Variants in MOSMO observed in about 807,000 individuals in gnomAD.
The protein encoded by MOSMO is modulator of smoothened, also known as modulator of smoothened protein.
A neutral mutation model predicts 18.4 loss-of-function variants in MOSMO; 5 were observed. The observed-to-expected ratio is 0.27, with a 90% CI of 0.14 to 0.57. MOSMO has a LOEUF of 0.57. MOSMO is among the 20% of genes least tolerant of loss of function. The probability of loss-of-function intolerance (pLI) is 0.92; values close to 1 mark genes in which losing one functional copy is unlikely to be tolerated. For missense variants in MOSMO, 138 were observed against 211.8 expected, an observed-to-expected ratio of 0.65 and a Z score of 2.16; for synonymous variants, 82 against 82.3, an observed-to-expected ratio of 1.00 and a Z score of 0.02.
intron 1 of MOSMO, among the ~76,000 whole-genome samples, chr16:22,030,820 C>T (rs998221485): frequency 1.2e-4 from 19 of 152,184 alleles, no homozygotes; most frequent in African/African-American, 4.6e-4. Flanking sequence ...TGAGCCACTG[C>T]ACCCAGTCTT....
chr16:22,008,602 C>T (rs1899444045), intron 1 of MOSMO, among the ~76,000 whole-genome samples, 195 bp downstream of exon 1: 1 of 151,384 alleles, frequency 6.6e-6, no homozygotes, highest in African/African-American at 2.4e-5. Context: ...CCAGCGGGAC[C>T]CCCGGGCTGA....
At chr16:22,056,669 C>A (rs1409326252) in intron 1 of MOSMO, among the ~76,000 whole-genome samples, 2 of 151,812 alleles carry the variant, frequency 1.3e-5, no homozygotes, top group Non-Finnish European at 2.9e-5. Flanking sequence ...CAGGCATGAG[C>A]CACTGTGCCC....
intron 1 of MOSMO, among the ~76,000 whole-genome samples, chr16:22,070,210 G>A (rs1355813458): frequency 1.3e-5 from 2 of 152,162 alleles, no homozygotes; most frequent in East Asian, 1.9e-4. Context: ...AGTGAAGCAC[G>A]GAATTAGTGA....
intron 1 of MOSMO, among the ~76,000 whole-genome samples, chr16:22,015,662 A>G (rs770321666): frequency 8.5e-5 from 13 of 152,200 alleles, no homozygotes; most frequent in South Asian, 4.1e-4. Flanking sequence ...GAGATCATTT[A>G]TGATACTGTG....
chr16:22,079,826 C>T (rs1901041911), intron 2 of MOSMO, among the ~76,000 whole-genome samples: 1 of 152,066 alleles, frequency 6.6e-6, no homozygotes, highest in African/African-American at 2.4e-5. Flanking sequence ...GTCTGTTGCC[C>T]AGGCTGGAGT....
intron 1 of MOSMO, among the ~76,000 whole-genome samples, chr16:22,012,164 A>G (rs1361281473): frequency 1.3e-5 from 2 of 152,170 alleles, no homozygotes; most frequent in African/African-American, 4.8e-5. Flanking sequence ...ACCGGATAAA[A>G]TGTATTTTAG....
chr16:22,034,118 ATTAC>A (rs1900054043), intron 1 of MOSMO, among the ~76,000 whole-genome samples: 1 of 152,176 alleles, frequency 6.6e-6, no homozygotes, highest in African/African-American at 2.4e-5. Flanking sequence ...AAGTAGTACA[ATTAC>A]TTTATAACAG....
At chr16:22,061,630 G>A (rs936708000) in intron 1 of MOSMO, among the ~76,000 whole-genome samples, 10 of 152,108 alleles carry the variant, frequency 6.6e-5, no homozygotes, top group African/African-American at 1.7e-4. Context: ...CAGTATTTGC[G>A]GAATGAATGA....
intron 1 of MOSMO, among the ~76,000 whole-genome samples, chr16:22,060,583 G>A (rs1180461567): frequency 2.0e-5 from 3 of 152,048 alleles, no homozygotes; most frequent in African/African-American, 7.2e-5. Flanking sequence ...ATGTAAAATA[G>A]TACAGCTGGC....
intron 2 of MOSMO, among the ~76,000 whole-genome samples, chr16:22,079,278 A>T (rs1901032799): frequency 6.6e-6 from 1 of 152,212 alleles, no homozygotes. Flanking sequence ...CATTCAGTTA[A>T]TAATGGAAGG....
intron 2 of MOSMO, chr16:22,076,085 G>A (rs960375910): frequency 7.5e-5 from 13 of 174,346 alleles, no homozygotes; most frequent in Non-Finnish European, 1.1e-4. Flanking sequence ...ATTAGATGAA[G>A]GTGGAAATAT....
chr16:22,026,098 A>G (rs1202225906), intron 1 of MOSMO, among the ~76,000 whole-genome samples: 1 of 152,008 alleles, frequency 6.6e-6, no homozygotes, highest in Non-Finnish European at 1.5e-5. Context: ...CTTTTTTCCT[A>G]ATTCCTCCTG....
At chr16:22,069,282 A>G (rs963655860) in intron 1 of MOSMO, among the ~76,000 whole-genome samples, 3 of 152,200 alleles carry the variant, frequency 2.0e-5, no homozygotes, top group Non-Finnish European at 2.9e-5. Flanking sequence ...GGGTGTGTAT[A>G]ATATAAGGAG....
chr16:22,061,630 G>C (rs936708000), intron 1 of MOSMO, among the ~76,000 whole-genome samples: 2 of 152,108 alleles, frequency 1.3e-5, no homozygotes, highest in Admixed American at 1.3e-4. Context: ...CAGTATTTGC[G>C]GAATGAATGA....
chr16:22,009,915 C>G (rs550826682), intron 1 of MOSMO, among the ~76,000 whole-genome samples: 1 of 149,616 alleles, frequency 6.7e-6, no homozygotes, highest in South Asian at 2.1e-4. Context: ...CGCTTGAACC[C>G]GGGAGGCAGA....
chr16:22,025,479 T>C (rs2141989755), intron 1 of MOSMO, among the ~76,000 whole-genome samples: 1 of 152,324 alleles, frequency 6.6e-6, no homozygotes, highest in East Asian at 1.9e-4. Flanking sequence ...TTACCTCATA[T>C]GAATAGTACC....
chr16:22,082,987 T>C lies in MOSMO; in HGVS notation c.*2107T>C, dbSNP rs904601386. ...GGACATTTGGGATTGCAGTTGCTATTCTGATTTGATTGGTCCTCAGTCAAA... is the reference window on the plus strand; with the variant it reads ...GGACATTTGGGATTGCAGTTGCTATCCTGATTTGATTGGTCCTCAGTCAAA... On this transcript the variant is annotated 3_prime_UTR_variant, in exon 3 of 3. Transcript: ENST00000542527. 3 of 152,214 alleles carry C rather than the reference T, an allele frequency of 2.0e-5. No individual in the cohort carries two copies. Among genetic ancestry groups the C allele is most frequent in the Admixed American group, 6.5e-5 (1 of 15,280 alleles). The allele number at this position is 152,214 out of a possible 1,614,324, so 9.4% of individuals were successfully genotyped here.
intron 1 of MOSMO, among the ~76,000 whole-genome samples, chr16:22,057,050 TCAAA>T (rs1900551985): frequency 6.6e-6 from 1 of 152,230 alleles, no homozygotes; most frequent in Non-Finnish European, 1.5e-5. Context: ...AAGTCACTGT[TCAAA>T]CAATTCCTTC....
downstream of MOSMO, among the ~76,000 whole-genome samples, chr16:22,091,407 A>G (rs905635960): frequency 2.6e-5 from 4 of 152,174 alleles, no homozygotes; most frequent in African/African-American, 9.7e-5. Flanking sequence ...TTTTTGAGAC[A>G]GGGTCTTGCT....
Sources: allele counts gnomAD v4.1 joint callset (sites outside exome capture counted in the v4.1 genomes callset), GRCh38; gene constraint gnomAD v4.1.1; transcripts MANE v1.5; gene names NCBI Gene and HGNC (gene_info 2026-07-23, HGNC 2026-07-21).